Variants in ZNF835 observed in about 807,000 individuals in gnomAD.
ZNF835 encodes the protein zinc finger protein 835.
For synonymous variants in ZNF835, 323 were observed against 324.7 expected, an observed-to-expected ratio of 0.99 and a Z score of 0.06; for missense variants, 783 against 758.4, an observed-to-expected ratio of 1.03 and a Z score of -0.38.
chr19:56,669,353 C>T (rs1468972058), intron 1 of ZNF835, among the ~76,000 whole-genome samples: 1 of 152,118 alleles, frequency 6.6e-6, no homozygotes. Context: ...GGTTCCATGA[C>T]ACGGGCGTGA....
chr19:56,670,836 C>T (rs10084151), intron 1 of ZNF835, among the ~76,000 whole-genome samples: 58,859 of 152,102 alleles, frequency 0.39, 11,969 homozygotes, highest in East Asian at 0.65. Flanking sequence ...GCCTACACGG[C>T]GGCACACCCA....
chr19:56,665,359 C>T, intron 1 of ZNF835, 114 bp from the exon 2 acceptor site: 2 of 975,358 alleles, frequency 2.1e-6, no homozygotes, highest in East Asian at 2.4e-5. Context: ...GACCTCTGTG[C>T]CAATGACATT....
Position 56,664,047 on chromosome 19 carries a change from G to A in ZNF835, c.1152C>T (p.His384=), listed in dbSNP as rs747094029. 1 of 1,611,826 alleles carries A rather than the reference G, an allele frequency of 6.2e-7. No homozygotes were observed. Among genetic ancestry groups the A allele is most frequent in the Non-Finnish European group, 8.5e-7 (1 of 1,179,306 alleles). ...GGCACCTGTAGGGCCGCTCACCGGT[G>A]TGCACGAGGCGGTGCTGGAGGAGGT... ...RSHLLQHRLV[H]TGERPYRCLQ... The change falls in exon 2 of 2, where the codon CAC becomes CAT. Residue 384 remains histidine, a synonymous_variant. Transcript: ENST00000537055.
intron 1 of ZNF835, among the ~76,000 whole-genome samples, chr19:56,667,903 G>A (rs2045259356): frequency 6.6e-6 from 1 of 152,202 alleles, no homozygotes; most frequent in Non-Finnish European, 1.5e-5. Flanking sequence ...CACCAAACCT[G>A]CCGGCACCTT....
rs1487991732 is a variant in ZNF835, at chr19:56,665,261, T to C, written c.-47-16A>G. ...TTCTCTGGGTCTGAAAAGAAAAAGATAGAAAAAAAAATTAAATGTTGCCAC... is the reference window on the plus strand; with the variant it reads ...TTCTCTGGGTCTGAAAAGAAAAAGACAGAAAAAAAAATTAAATGTTGCCAC... On this transcript the variant is annotated splice_polypyrimidine_tract_variant and intron_variant, in intron 1 of 1. Coordinates refer to ENST00000537055, the MANE Select transcript of ZNF835 (RefSeq NM_001005850.3). 6.3e-7 allele frequency: 1 copy of C among 1,592,834 alleles called. No individual in the cohort carries two copies. Among genetic ancestry groups the C allele is most frequent in the South Asian group, 1.1e-5 (1 of 88,278 alleles).
In ZNF835 at chr19:56,664,386, G is replaced by A; in HGVS notation, c.813C>T (p.Ile271=). The change falls in exon 2 of 2, where the codon ATC becomes ATT. Residue 271 remains isoleucine (I), a synonymous_variant. Coordinates refer to ENST00000537055, the MANE Select transcript of ZNF835 (RefSeq NM_001005850.3). The stretch of plus-strand genomic sequence containing the variant: ...AGCGGTAGGGCTTCTCCTCCGTGTG[G>A]ATGCGCTGGTGGCGGATGAGCGCTG... ...FSSALIRHQR[I]HTEEKPYRCG... The A allele has an allele frequency of 1.2e-6, 2 of 1,608,200 alleles. No homozygotes were observed. Among genetic ancestry groups the A allele is most frequent in the South Asian group, 1.1e-5 (1 of 90,752 alleles).
In ZNF835 at chr19:56,663,626, C is replaced by G. The variant is rs572783820; in HGVS notation, c.1573G>C (p.Gly525Arg). The change falls in exon 2 of 2, where the codon GGG (glycine) becomes CGG (arginine). Residue 525 changes from glycine (G) to arginine (R), a missense_variant. By Grantham distance (125) the Gly-to-Arg change is moderately radical. Transcript: ENST00000537055. ...LSQGGETCQQ[G>R]CPGRNPRGPA... ...CCACGCGGGTTTCTGCCAGGGCACC[C>G]CTGTTGACAGGTTTCTCCTCCCTGT... 2 of 1,614,056 alleles carry G rather than the reference C, an allele frequency of 1.2e-6. No individual in the cohort carries two copies. The highest frequency in any genetic ancestry group is 1.7e-6 in the Non-Finnish European group (2 of 1,179,898).
At position 56,670,146 on chromosome 19, in the gene ZNF835, T is replaced by C. The variant is rs143136441; in HGVS notation, c.-48+1430A>G. ...TAGCATAAATGTACTTGGGGGCCTATCAGGAGTCCTCCATTAGCATAAACA... is the reference window on the plus strand; with the variant it reads ...TAGCATAAATGTACTTGGGGGCCTACCAGGAGTCCTCCATTAGCATAAACA... On this transcript the variant is annotated intron_variant, in intron 1 of 1. Transcript: ENST00000537055. Among the ~76,000 whole-genome samples, 859 of 149,580 alleles carry C rather than the reference T, an allele frequency of 5.7e-3. 18 individuals are homozygous for C. Among genetic ancestry groups the C allele is most frequent in the African/African-American group, 0.02 (820 of 40,198 alleles).
chr19:56,663,643 C>A lies in ZNF835; in HGVS notation c.1556G>T (p.Gly519Val). 1 of 1,614,068 alleles carries A rather than the reference C, an allele frequency of 6.2e-7. No homozygotes were observed. Among genetic ancestry groups the A allele is most frequent in the Admixed American group, 1.7e-5 (1 of 60,036 alleles). Residue 519 changes from glycine to valine, a missense_variant, in exon 2 of 2, where the codon GGA (glycine) becomes GTA (valine). Gly to Val is a moderately radical substitution (Grantham distance 109, BLOSUM62 -3). Transcript: ENST00000537055. ...PDSTPGLSQG[G>V]ETCQQGCPGR... ...AGGGCACCCCTGTTGACAGGTTTCT[C>A]CTCCCTGTGAGAGCCCAGGTGTTGA...
At position 56,665,155 on chromosome 19, in the gene ZNF835, T is replaced by C. The variant is rs1320916853; in HGVS notation, c.44A>G (p.Glu15Gly). The change falls in exon 2 of 2, where the codon GAA becomes GGA. Residue 15 changes from glutamate (E) to glycine (G), a missense_variant. Coordinates refer to ENST00000537055, the MANE Select transcript of ZNF835 (RefSeq NM_001005850.3). ...CTGGCCCTCGTGTTTCCAGTTTCCT[T>C]CCAACTCTGCGCCCTGGAGGGCGAC... ...LSVALQGAEL[E>G]GNWKHEGQVE... is the part of the protein sequence containing the mutation. 6.2e-7 allele frequency: 1 copy of C among 1,613,900 alleles called. No individual in the cohort carries two copies. The highest frequency in any genetic ancestry group is 2.2e-5 in the East Asian group (1 of 44,894).
At chr19:56,665,591 C>T in intron 1 of ZNF835, 1 of 436,088 alleles carries the variant, frequency 2.3e-6, no homozygotes, top group Non-Finnish European at 4.4e-6. Flanking sequence ...AGTTTGAGAC[C>T]AGCAAACTGT....
chr19:56,666,437 G>A (rs1388193051), intron 1 of ZNF835, among the ~76,000 whole-genome samples: 4 of 152,182 alleles, frequency 2.6e-5, no homozygotes, highest in African/African-American at 4.8e-5. Context: ...AAGAGGAAGC[G>A]ACACCAGAGC....
Position 56,663,225 on chromosome 19 carries a change from A to G in ZNF835, c.*360T>C. On this transcript the variant is annotated 3_prime_UTR_variant, in exon 2 of 2. Transcript: ENST00000537055. ...TTTTAACTACTCGGGAGGTTGAGGC[A>G]GGAGAATCACTTGTACCCGGGAGGC... 1 of 265,534 alleles carries G rather than the reference A, an allele frequency of 3.8e-6. No individual in the cohort carries two copies. Among genetic ancestry groups the G allele is most frequent in the Non-Finnish European group, 7.1e-6 (1 of 140,440 alleles). The allele number at this position is 265,534 out of a possible 1,614,324, so 16.4% of individuals were successfully genotyped here.
chr19:56,664,929 C>G lies in ZNF835; in HGVS notation c.270G>C (p.Pro90=), dbSNP rs2045231442. ...SRRCSAPGES[P]KERHPDSRQR... is the part of the protein sequence containing the mutation. ...GGCGGCTGTCAGGATGCCTCTCCTTCGGGCTCTCCCCAGGCGCGCTGCACC... is the reference window on the plus strand; with the variant it reads ...GGCGGCTGTCAGGATGCCTCTCCTTGGGGCTCTCCCCAGGCGCGCTGCACC... The change falls in exon 2 of 2, where the codon CCG becomes CCC. Residue 90 remains proline (P), a synonymous_variant. Transcript: ENST00000537055. The G allele has an allele frequency of 6.2e-7, 1 of 1,613,904 alleles. No individual in the cohort carries two copies. The highest frequency in any genetic ancestry group is 8.5e-7 in the Non-Finnish European group (1 of 1,179,898).
At chr19:56,667,178 C>G (rs953448647) in intron 1 of ZNF835, among the ~76,000 whole-genome samples, 2 of 152,242 alleles carry the variant, frequency 1.3e-5, no homozygotes, top group African/African-American at 4.8e-5. Context: ...ATAGTTACTT[C>G]TAGTGGGGCT....
In ZNF835 at chr19:56,664,951, C is replaced by T. The variant is rs1024812777; in HGVS notation, c.248G>A (p.Cys83Tyr). The T allele has an allele frequency of 1.4e-5, 23 of 1,613,938 alleles. No homozygotes were observed. The highest frequency in any genetic ancestry group is 1.9e-5 in the Non-Finnish European group (23 of 1,179,896). Residue 83 changes from cysteine to tyrosine, a missense_variant, in exon 2 of 2, where the codon TGC becomes TAC. Cys to Tyr is a radical substitution (Grantham distance 194). Coordinates refer to ENST00000537055, the MANE Select transcript of ZNF835 (RefSeq NM_001005850.3). ...SVPDDSSSRR[C>Y]SAPGESPKER... The stretch of plus-strand genomic sequence containing the variant: ...CTTCGGGCTCTCCCCAGGCGCGCTG[C>T]ACCTCCGGGAACTGCTGTCGTCGGG...
Position 56,664,428 on chromosome 19 carries a change from C to T in ZNF835, c.771G>A (p.Lys257=), listed in dbSNP as rs11881738. The part of the protein sequence containing the change: ...EKPYECSACA[K]AFRFSSALIR... ...TGAGCGCTGAGGAGAAGCGGAAGGCCTTGGCGCACGCGGAGCACTCGTAGG... is the reference window on the plus strand; with the variant it reads ...TGAGCGCTGAGGAGAAGCGGAAGGCTTTGGCGCACGCGGAGCACTCGTAGG... Residue 257 remains lysine (K), a synonymous_variant, in exon 2 of 2, where the codon AAG becomes AAA. Coordinates refer to ENST00000537055, the MANE Select transcript of ZNF835 (RefSeq NM_001005850.3). 9.8e-3 allele frequency: 15,776 copies of T among 1,612,850 alleles called. 1,238 individuals carry two copies. The African/African-American group carries it at 0.18, about 18-fold the overall frequency.
intron 1 of ZNF835, among the ~76,000 whole-genome samples, chr19:56,667,029 G>A (rs1301776834): frequency 6.6e-6 from 1 of 152,150 alleles, no homozygotes; most frequent in Non-Finnish European, 1.5e-5. Context: ...GTGGGCCCAG[G>A]GTCGTTAGAG....
rs199583912 is a variant in ZNF835, at chr19:56,663,596, C to G, written c.1603G>C (p.Ala535Pro). 1.9e-6 allele frequency: 3 copies of G among 1,614,042 alleles called. No individual in the cohort carries two copies. Among genetic ancestry groups the G allele is most frequent in the South Asian group, 1.1e-5 (1 of 91,088 alleles). Residue 535 changes from alanine to proline, a missense_variant, in exon 2 of 2, where the codon GCA becomes CCA. Transcript: ENST00000537055. ...GCPGRNPRGP[A>P]ED ...GAGGCCCTCAGCTCTTAATCTTCTG[C>G]TGGTCCACGCGGGTTTCTGCCAGGG...
Sources: gnomAD v4.1 joint callset for allele counts (sites outside exome capture counted in the v4.1 genomes callset) on GRCh38, gnomAD v4.1.1 for gene constraint, MANE v1.5 for transcripts, NCBI Gene and HGNC (gene_info 2026-07-23, HGNC 2026-07-21) for gene names.